The following PABPC1 variants were observed in gnomAD, a reference collection of about 807,000 sequenced individuals.
PABPC1 encodes the protein poly(A) binding protein cytoplasmic 1.
In PABPC1, 4 loss-of-function variants were observed where a neutral mutation model predicts 74.0. The observed-to-expected ratio is 0.05, with a 90% CI of 0.03 to 0.12. PABPC1 has a LOEUF of 0.12. Among genes scored for constraint, PABPC1 ranks in the 10% least tolerant of loss-of-function variants. The pLI is 1.00. For missense variants in PABPC1, 271 were observed against 821.1 expected, an observed-to-expected ratio of 0.33 and a Z score of 8.19; for synonymous variants, 227 against 264.1, an observed-to-expected ratio of 0.86 and a Z score of 1.36.
At chr8:100,714,771 A>G (rs560716194) in intron 4 of PABPC1, among the ~76,000 whole-genome samples, 1 of 152,268 alleles carries the variant, frequency 6.6e-6, no homozygotes, top group African/African-American at 2.4e-5. Flanking sequence ...TGACATATTA[A>G]AAAAAGCAAG....
chr8:100,709,741 A>T lies in PABPC1; in HGVS notation c.973-10T>A. On this transcript the variant is annotated splice_polypyrimidine_tract_variant and intron_variant, in intron 7 of 14. Transcript: ENST00000318607. Reference sequence around the variant, plus strand: ...CACCCTCCATCATAACCTATTAAAAAAAAGAAAAAAAAAGTTAACGTAATG... The same window carrying T: ...CACCCTCCATCATAACCTATTAAAATAAAGAAAAAAAAAGTTAACGTAATG... 1 of 1,492,832 alleles carries T rather than the reference A, an allele frequency of 6.7e-7. No individual in the cohort carries two copies. Among genetic ancestry groups the T allele is most frequent in the Non-Finnish European group, 8.9e-7 (1 of 1,117,444 alleles). 92.5% of individuals were successfully genotyped at this position (1,492,832 alleles called of 1,614,324 possible). A position where few individuals can be genotyped will look rare whatever the true frequency, so the allele number is the denominator to read the frequency against.
intron 1 of PABPC1, among the ~76,000 whole-genome samples, chr8:100,718,858 T>TTTAA: frequency 6.6e-6 from 1 of 152,338 alleles, no homozygotes; most frequent in Middle Eastern, 3.4e-3. Flanking sequence ...ACAACTTCCA[T>TTTAA]TTAAGAAAAT....
In PABPC1 at chr8:100,706,742, G is replaced by A. The variant is rs1810388899; in HGVS notation, c.1511C>T (p.Ala504Val). ...TTTATACTGTGGAACGGTGCGGACA[G>A]CAGGAGTAGCTGCAGCGGCTGCAGC... is the stretch of plus-strand genomic sequence containing the variant. ...PAAAAAAATP[A>V]VRTVPQYKYA... is the part of the protein sequence containing the mutation. The change falls in exon 11 of 15, where the codon GCT becomes GTT. Residue 504 changes from alanine to valine, a missense_variant. Physicochemically the swap from Ala to Val is moderately conservative, Grantham distance 64. Transcript: ENST00000318607. 1 of 1,614,004 alleles carries A rather than the reference G, an allele frequency of 6.2e-7. No homozygotes were observed. The highest frequency in any genetic ancestry group is 8.5e-7 in the Non-Finnish European group (1 of 1,179,928).
rs1480870888 is a variant in PABPC1, at chr8:100,709,543, T to G, written c.1161A>C (p.Ala387=). The G allele has an allele frequency of 6.2e-7, 1 of 1,614,134 alleles. No homozygotes were observed. The highest frequency in any genetic ancestry group is 8.5e-7 in the Non-Finnish European group (1 of 1,180,058). The change falls in exon 8 of 15, where the codon GCA becomes GCC. Residue 387 remains alanine (A), a synonymous_variant. Coordinates refer to ENST00000318607, the MANE Select transcript of PABPC1 (RefSeq NM_002568.4). The stretch of plus-strand genomic sequence containing the variant: ...CAGGGTTGGGAACAGCTCGTACACT[T>G]GCCATTCTCTGCATATACTGGTTAG... ...HLTNQYMQRM[A]SVRAVPNPVI...
chr8:100,704,248 A>C, intron 14 of PABPC1, 49 bp downstream of exon 14: 1 of 1,377,068 alleles, frequency 7.3e-7, no homozygotes, highest in South Asian at 1.2e-5. Flanking sequence ...AACTTTATAA[A>C]AGATGAAGAA....
At chr8:100,716,298 G>A (rs1810667449) in intron 3 of PABPC1, among the ~76,000 whole-genome samples, 1 of 152,180 alleles carries the variant, frequency 6.6e-6, no homozygotes, top group South Asian at 2.1e-4. Flanking sequence ...CTACTTGGGA[G>A]GCTGAAGCAC....
intron 1 of PABPC1, among the ~76,000 whole-genome samples, chr8:100,718,965 C>T (rs1810742909): frequency 6.6e-6 from 1 of 152,176 alleles, no homozygotes; most frequent in Non-Finnish European, 1.5e-5. Flanking sequence ...AACACCAGGT[C>T]TGCAATATTC....
intron 13 of PABPC1, among the ~76,000 whole-genome samples, chr8:100,704,707 C>T (rs922229000): frequency 2.0e-5 from 3 of 152,208 alleles, no homozygotes; most frequent in African/African-American, 7.2e-5. Flanking sequence ...CCAGGCTCTG[C>T]CACTTAAGAG....
chr8:100,703,226 G>A lies in PABPC1; in HGVS notation c.*135C>T, dbSNP rs1440899214. 1.2e-5 allele frequency: 2 copies of A among 167,520 alleles called. No individual in the cohort carries two copies. Among genetic ancestry groups the A allele is most frequent in the African/African-American group, 4.8e-5 (2 of 41,482 alleles). 10.4% of individuals were successfully genotyped at this position (167,520 alleles called of 1,614,324 possible). ...ACCTGGCATTTGCTCGGTACATAAG[G>A]TTCAAAGTTTCCTTTCCTTTTTTTA... On this transcript the variant is annotated 3_prime_UTR_variant, in exon 15 of 15. Coordinates refer to ENST00000318607, the MANE Select transcript of PABPC1 (RefSeq NM_002568.4).
rs1810834149 is a variant in PABPC1, at chr8:100,721,612, G to GC, written c.-30dup. On this transcript the variant is annotated 5_prime_UTR_variant, in exon 1 of 15. Transcript: ENST00000318607. The surrounding 1 kb of genome is among the most constrained non-coding windows in gnomAD (Gnocchi z 7.4). ...GGCACGGCTGCCCGCAGGGCCACAG[G>GC]CCGCGACCTTTCCGTGAGAGGAGGA... The GC allele has an allele frequency of 6.8e-7, 1 of 1,477,310 alleles. No homozygotes were observed. The highest frequency in any genetic ancestry group is 9.1e-7 in the Non-Finnish European group (1 of 1,099,780). The allele number at this position is 1,477,310 out of a possible 1,614,324, so 91.5% of individuals were successfully genotyped here.
At position 100,709,553 on chromosome 8, in the gene PABPC1, T is replaced by C. The variant is rs1448425793; in HGVS notation, c.1151A>G (p.Gln384Arg). The C allele has an allele frequency of 1.2e-6, 2 of 1,614,246 alleles. No homozygotes were observed. Among genetic ancestry groups the C allele is most frequent in the African/African-American group, 1.3e-5 (1 of 75,066 alleles). Residue 384 changes from glutamine to arginine, a missense_variant, in exon 8 of 15, where the codon CAG (glutamine) becomes CGG (arginine). Physicochemically the swap from Gln to Arg is conservative, Grantham distance 43 (BLOSUM62 1). Coordinates refer to ENST00000318607, the MANE Select transcript of PABPC1 (RefSeq NM_002568.4). ...RQAHLTNQYMQRMASVRAVPN... is the reference protein window; with the variant it reads ...RQAHLTNQYMRRMASVRAVPN... The stretch of plus-strand genomic sequence containing the variant: ...AACAGCTCGTACACTTGCCATTCTC[T>C]GCATATACTGGTTAGTGAGGTGAGC...
intron 11 of PABPC1, among the ~76,000 whole-genome samples, chr8:100,706,020 A>G (rs984801339): frequency 2.0e-5 from 3 of 151,878 alleles, no homozygotes; most frequent in South Asian, 2.1e-4. Flanking sequence ...GCTAATCTTT[A>G]TATTTTTAGA....
intron 7 of PABPC1, among the ~76,000 whole-genome samples, chr8:100,711,427 T>C (rs1176753066): frequency 1.3e-5 from 2 of 152,214 alleles, no homozygotes; most frequent in South Asian, 2.1e-4. Context: ...TGAGCTGTGA[T>C]TGTGGCATGC....
chr8:100,708,994 T>C (rs1810458478), intron 9 of PABPC1, 139 bp downstream of exon 9: 4 of 730,956 alleles, frequency 5.5e-6, no homozygotes, highest in Non-Finnish European at 9.4e-6. Flanking sequence ...TGCTTTTAAA[T>C]GCTATAAAAA....
Position 100,721,355 on chromosome 8 carries a change from C to G in PABPC1, c.193+36G>C. On this transcript the variant is annotated intron_variant, in intron 1 of 14. Coordinates refer to ENST00000318607, the MANE Select transcript of PABPC1 (RefSeq NM_002568.4). The surrounding 1 kb of genome is among the most constrained non-coding windows in gnomAD (Gnocchi z 7.4). ...GCCGCCGCCCGAGCCTCATGGCCGC[C>G]CGCCCGCCCGGCCGACCGCGGAGCC... 1.5e-6 allele frequency: 2 copies of G among 1,341,716 alleles called. No individual in the cohort carries two copies. The highest frequency in any genetic ancestry group is 2.8e-5 in the Admixed American group (1 of 36,150). The allele number at this position is 1,341,716 out of a possible 1,614,324, so 83.1% of individuals were successfully genotyped here. A position where few individuals can be genotyped will look rare whatever the true frequency, so the allele number is the denominator to read the frequency against.
intron 3 of PABPC1, 35 bp from the exon 4 acceptor site, chr8:100,715,636 C>T (rs1810649987): frequency 6.7e-7 from 1 of 1,488,744 alleles, no homozygotes; most frequent in Non-Finnish European, 9.2e-7. Flanking sequence ...ACATTAGATT[C>T]TATTTTATAA....
intron 4 of PABPC1, among the ~76,000 whole-genome samples, chr8:100,715,035 T>C (rs1266516086): frequency 6.6e-6 from 1 of 151,536 alleles, no homozygotes; most frequent in Admixed American, 6.6e-5. Flanking sequence ...TTACTTAGAC[T>C]GACCAGCTTT....
At chr8:100,704,244 A>G in intron 14 of PABPC1, 53 bp downstream of exon 14, 1 of 1,351,760 alleles carries the variant, frequency 7.4e-7, no homozygotes, top group Non-Finnish European at 1.1e-6. Context: ...AACAAACTTT[A>G]TAAAAGATGA....
chr8:100,712,139 A>G (rs1193643421), intron 7 of PABPC1, among the ~76,000 whole-genome samples: 6 of 152,238 alleles, frequency 3.9e-5, no homozygotes, highest in Non-Finnish European at 5.9e-5. Flanking sequence ...GGAATAGTGC[A>G]TATCATGTGA....
Sources: gnomAD v4.1 joint callset for allele counts (sites outside exome capture counted in the v4.1 genomes callset) on GRCh38, gnomAD v4.1.1 for gene constraint, Gnocchi (gnomAD v3.1) non-coding constraint, MANE v1.5 for transcripts, NCBI Gene and HGNC (gene_info 2026-07-23, HGNC 2026-07-21) for gene names.